The following TRIM4 variants were observed in gnomAD, a reference collection of about 807,000 sequenced individuals.
The protein encoded by TRIM4 is E3 ubiquitin-protein ligase TRIM4.
A neutral mutation model predicts 33.7 loss-of-function variants in TRIM4; 29 were observed. That is an observed-to-expected ratio of 0.86 (90% CI 0.64 to 1.17). The LOEUF (loss-of-function observed/expected upper bound fraction) is 1.17. TRIM4 is among the 50% of genes most tolerant of loss of function. The pLI is 0.00. For synonymous variants in TRIM4, 224 were observed against 233.0 expected, an observed-to-expected ratio of 0.96 and a Z score of 0.35; for missense variants, 554 against 593.7, an observed-to-expected ratio of 0.93 and a Z score of 0.69.
At chr7:99,915,368 G>A (rs1046002964) in intron 1 of TRIM4, among the ~76,000 whole-genome samples, 2 of 152,152 alleles carry the variant, frequency 1.3e-5, no homozygotes, top group African/African-American at 2.4e-5. Flanking sequence ...CTAGAGTCAG[G>A]CATGAAGGAA....
rs1818875974 is a variant in TRIM4 at position 99,890,766 on chromosome 7, G to C, written c.*1397C>G. On this transcript the variant is annotated 3_prime_UTR_variant, in exon 6 of 6. Transcript: ENST00000349062. ...TGGGGTATCAAAAAAGTATCTATTG[G>C]GTACTATGCTTATTACCTGGGTAAT... 1 of 152,054 alleles carries C rather than the reference G, an allele frequency of 6.6e-6. No homozygotes were observed. Among genetic ancestry groups the C allele is most frequent in the African/African-American group, 2.4e-5 (1 of 41,402 alleles). The allele number at this position is 152,054 out of a possible 1,614,324, so 9.4% of individuals were successfully genotyped here. A position where few individuals can be genotyped will look rare whatever the true frequency, so the allele number is the denominator to read the frequency against.
At chr7:99,913,200 C>T (rs1819482543) in intron 1 of TRIM4, among the ~76,000 whole-genome samples, 1 of 152,122 alleles carries the variant, frequency 6.6e-6, no homozygotes, top group East Asian at 1.9e-4. Context: ...CAAGACTCTA[C>T]CCAAGTTTTT....
chr7:99,894,666 C>G (rs1016684432), intron 5 of TRIM4, among the ~76,000 whole-genome samples: 1 of 147,892 alleles, frequency 6.8e-6, no homozygotes, highest in Non-Finnish European at 1.5e-5. Flanking sequence ...GACTCCATCC[C>G]CCCCCCAAAA....
chr7:99,899,644 A>G (rs76972859), intron 5 of TRIM4, among the ~76,000 whole-genome samples: 10,149 of 152,286 alleles, frequency 0.067, 364 homozygotes, highest in Middle Eastern at 0.075. Flanking sequence ...ACTTTTAAAT[A>G]TAAGTTCCAA....
chr7:99,906,268 T>G (rs1249963639), intron 3 of TRIM4, among the ~76,000 whole-genome samples: 1 of 152,176 alleles, frequency 6.6e-6, no homozygotes, highest in Non-Finnish European at 1.5e-5. Flanking sequence ...GTGTGTTCTA[T>G]TTTTTTGACT....
Position 99,903,251 on chromosome 7 carries a change from G to C in TRIM4, c.808C>G (p.Pro270Ala). The C allele has an allele frequency of 6.2e-7, 1 of 1,613,156 alleles. No homozygotes were observed. Among genetic ancestry groups the C allele is most frequent in the Non-Finnish European group, 8.5e-7 (1 of 1,179,488 alleles). Reference sequence around the variant, plus strand: ...CGCTTTAGCATTTCCTTCATCAATGGTATCTGGCACACTGTCTTCACCTTT... The same window carrying C: ...CGCTTTAGCATTTCCTTCATCAATGCTATCTGGCACACTGTCTTCACCTTT... ...AVKVKTVCQI[P>A]LMKEMLKRFQ... The change falls in exon 5 of 6, where the codon CCA becomes GCA. Residue 270 changes from proline to alanine, a missense_variant. Pro to Ala is a conservative substitution (Grantham distance 27). This residue lies in a region of TRIM4 where 290 missense variants were observed against 335.8 expected (regional missense o/e 0.86). Transcript: ENST00000349062.
chr7:99,916,715 T>C (rs1409703233), intron 1 of TRIM4: 1 of 780,952 alleles, frequency 1.3e-6, no homozygotes, highest in Non-Finnish European at 2.4e-6. Flanking sequence ...CTGCTTAAAA[T>C]GGTACAAGAG....
At chr7:99,917,851 T>G (rs899374357) in intron 1 of TRIM4, 16 of 985,248 alleles carry the variant, frequency 1.6e-5, no homozygotes, top group Non-Finnish European at 1.7e-5. Context: ...GAAAGGATGA[T>G]CAGGGAAGGT....
chr7:99,909,729 G>GGT lies in TRIM4; in HGVS notation c.394-70_394-69insAC, dbSNP rs1563087619. 540 of 724,688 alleles carry GGT rather than the reference G, an allele frequency of 7.5e-4. 8 individuals carry two copies. The highest frequency in any genetic ancestry group is 8.7e-4 in the Non-Finnish European group (426 of 488,788). 44.9% of individuals were successfully genotyped at this position (724,688 alleles called of 1,614,324 possible). A position where few individuals can be genotyped will look rare whatever the true frequency, so the allele number is the denominator to read the frequency against. On this transcript the variant is annotated intron_variant, in intron 1 of 5. Coordinates refer to ENST00000349062, the MANE Select transcript of TRIM4 (RefSeq NM_033091.3). ...CATCATCATCTTCTTTTTTCTTTTT[G>GGT]TTTTTTTTTTTTTTTTTTTTTGAGA...
chr7:99,892,808 C>T (rs1420659239), intron 5 of TRIM4, 62 bp from the exon 6 acceptor site: 1 of 1,355,870 alleles, frequency 7.4e-7, no homozygotes, highest in Non-Finnish European at 1.0e-6. Context: ...CCCAGAAATG[C>T]CCATCTTTTC....
Position 99,908,717 on chromosome 7 carries a change from C to G in TRIM4, c.585G>C (p.Leu195Phe). ...VEEEDLFLQRLNKEEEETKKK... is the reference protein window; with the variant it reads ...VEEEDLFLQRFNKEEEETKKK... ...TCTTCGTCTCTTCTTCTTCTTTGTT[C>G]AATCTCTGAAGAAACAGGTCCTCTT... Residue 195 changes from leucine to phenylalanine, a missense_variant, in exon 3 of 6, where the codon TTG becomes TTC. This residue lies in a region of TRIM4 where 290 missense variants were observed against 335.8 expected (regional missense o/e 0.86). Coordinates refer to ENST00000349062, the MANE Select transcript of TRIM4 (RefSeq NM_033091.3). 3.7e-6 allele frequency: 6 copies of G among 1,614,088 alleles called. No individual in the cohort carries two copies. The highest frequency in any genetic ancestry group is 5.1e-6 in the Non-Finnish European group (6 of 1,180,026).
rs1563082276 is a variant in TRIM4, at chr7:99,892,700, G to GA, written c.887dup (p.Ser297LeufsTer63). The GA allele has an allele frequency of 6.2e-7, 1 of 1,614,036 alleles. No individual in the cohort carries two copies. The highest frequency in any genetic ancestry group is 1.7e-5 in the Admixed American group (1 of 60,026). On this transcript the variant is annotated frameshift_variant, in exon 6 of 6. Transcript: ENST00000349062. LOFTEE classifies it low-confidence loss of function (END_TRUNC). Reference sequence around the variant, plus strand: ...TTTTCACGTATCTCCCTTCCTGGGAGAAGACGAGTTTGGGATGAGCTGTGT... The same window carrying GA: ...TTTTCACGTATCTCCCTTCCTGGGAGAAAGACGAGTTTGGGATGAGCTGTGT...
In TRIM4 at chr7:99,903,333, A is replaced by G. The variant is rs1283903910; in HGVS notation, c.744-18T>C. 2.5e-6 allele frequency: 4 copies of G among 1,586,720 alleles called. No individual in the cohort carries two copies. Among genetic ancestry groups the G allele is most frequent in the Non-Finnish European group, 2.6e-6 (3 of 1,159,320 alleles). ...TCTCACTCCTAAGAAGGTAGAGAAG[A>G]CTGCTCTTAGGGGACAACTAGGGTA... On this transcript the variant is annotated intron_variant, in intron 4 of 5. Transcript: ENST00000349062.
Position 99,903,313 on chromosome 7 carries a change from C to A in TRIM4, c.746G>T (p.Ser249Ile). The A allele has an allele frequency of 6.2e-7, 1 of 1,607,808 alleles. No homozygotes were observed. The highest frequency in any genetic ancestry group is 8.5e-7 in the Non-Finnish European group (1 of 1,175,510). The change falls in exon 5 of 6, where the codon AGT (serine) becomes ATT (isoleucine). Residue 249 changes from serine (S) to isoleucine (I), a missense_variant and splice_region_variant. Physicochemically the swap from Ser to Ile is moderately radical, Grantham distance 142 (BLOSUM62 -2). Transcript: ENST00000349062. The stretch of plus-strand genomic sequence containing the variant: ...AGAATAGTTCACATCCTGGATCTCA[C>A]TCCTAAGAAGGTAGAGAAGACTGCT... ...LQNPKEVLTRSEIQDVNYSLE... is the reference protein window; with the variant it reads ...LQNPKEVLTRIEIQDVNYSLE...
chr7:99,919,381 C>G lies in TRIM4; in HGVS notation c.21G>C (p.Gln7His). The stretch of plus-strand genomic sequence containing the variant: ...GGCAGATGGGGCAGGTCAACTCCTC[C>G]TGGATGTCCTCAGCTTCCATGCTGC... MEAEDI[Q>H]EELTCPICLD... Residue 7 changes from glutamine (Q) to histidine (H), a missense_variant, in exon 1 of 6, where the codon CAG (glutamine) becomes CAC (histidine). Transcript: ENST00000349062. The G allele has an allele frequency of 6.4e-7, 1 of 1,572,114 alleles. No individual in the cohort carries two copies. The highest frequency in any genetic ancestry group is 8.6e-7 in the Non-Finnish European group (1 of 1,161,216).
At chr7:99,906,652 G>A (rs1053966751) in intron 3 of TRIM4, among the ~76,000 whole-genome samples, 3 of 152,080 alleles carry the variant, frequency 2.0e-5, no homozygotes, top group African/African-American at 4.8e-5. Flanking sequence ...AAGAAGTTGA[G>A]AAAAGAGCTA....
intron 3 of TRIM4, among the ~76,000 whole-genome samples, chr7:99,906,646 A>G (rs902185115): frequency 6.6e-6 from 1 of 152,154 alleles, no homozygotes; most frequent in African/African-American, 2.4e-5. Context: ...CAACTCAAGA[A>G]GTTGAGAAAA....
In TRIM4 at chr7:99,899,844, G is replaced by A. The variant is rs963960917; in HGVS notation, c.841+3374C>T. 5.9e-5 allele frequency among the ~76,000 whole-genome samples: 9 copies of A among 152,272 alleles called. No individual in the cohort carries two copies. The South Asian group carries it at 1.4e-3, about 25-fold the overall frequency. ...GTCTCGCTGTTGCCCATGCTGGAGT[G>A]CAGTGGTGCAATCACAGCTCACTGC... On this transcript the variant is annotated intron_variant, in intron 5 of 5. Transcript: ENST00000349062.
In TRIM4 at chr7:99,891,031, A is replaced by G. The variant is rs1818882227; in HGVS notation, c.*1132T>C. On this transcript the variant is annotated 3_prime_UTR_variant, in exon 6 of 6. Transcript: ENST00000349062. The stretch of plus-strand genomic sequence containing the variant: ...ATAAGTACACATGACTTATATAAAC[A>G]GAGAAAAGCAATCATTATCTTAAAA... 3.3e-5 allele frequency: 5 copies of G among 152,348 alleles called. No individual in the cohort carries two copies. The South Asian group carries it at 1.0e-3, about 32-fold the overall frequency. 9.4% of individuals were successfully genotyped at this position (152,348 alleles called of 1,614,324 possible).
Sources: allele counts gnomAD v4.1 joint callset (sites outside exome capture counted in the v4.1 genomes callset), GRCh38; gene constraint gnomAD v4.1.1; regional missense constraint gnomAD v4.1.1; transcripts MANE v1.5; gene names NCBI Gene and HGNC (gene_info 2026-07-23, HGNC 2026-07-21).